The following CFAP300 variants were observed in gnomAD, a reference collection of about 807,000 sequenced individuals.
CFAP300 encodes the protein cilia- and flagella-associated protein 300.
A neutral mutation model predicts 33.0 loss-of-function variants in CFAP300; 32 were observed. That is an observed-to-expected ratio of 0.97 (90% confidence interval 0.73 to 1.30). The LOEUF is 1.30. Ranked by LOEUF, CFAP300 falls within the 50% of genes most tolerant of loss-of-function variation. The pLI is 0.00. For missense variants in CFAP300, 356 were observed against 318.1 expected, an observed-to-expected ratio of 1.12 and a Z score of -0.90; for synonymous variants, 102 against 106.8, an observed-to-expected ratio of 0.95 and a Z score of 0.28.
At chr11:102,066,397 AT>A (rs1942225416) in intron 3 of CFAP300, 87 bp from the exon 4 acceptor site, 21 of 844,890 alleles carry the variant, frequency 2.5e-5, no homozygotes, top group South Asian at 7.1e-5. Context: ...ACTTCTTAGA[AT>A]TTCTGCATAG....
intron 3 of CFAP300, among the ~76,000 whole-genome samples, chr11:102,059,928 G>A (rs1942123118): frequency 6.6e-6 from 1 of 151,472 alleles, no homozygotes; most frequent in Admixed American, 6.6e-5. Context: ...TGGGATTACA[G>A]TCATGGGCCC....
At chr11:102,074,892 A>G (rs1368937770) in intron 4 of CFAP300, among the ~76,000 whole-genome samples, 1 of 151,916 alleles carries the variant, frequency 6.6e-6, no homozygotes, top group East Asian at 1.9e-4. Context: ...GTTTTAGTAG[A>G]GATGAGGTCT....
chr11:102,049,665 A>AT (rs1941939575), intron 2 of CFAP300, among the ~76,000 whole-genome samples: 2 of 151,838 alleles, frequency 1.3e-5, no homozygotes, highest in Non-Finnish European at 2.9e-5. Context: ...GCTGTCTATA[A>AT]TTTTTTTTAA....
At chr11:102,051,842 C>T (rs1941976917) in intron 2 of CFAP300, among the ~76,000 whole-genome samples, 1 of 152,140 alleles carries the variant, frequency 6.6e-6, no homozygotes, top group South Asian at 2.1e-4. Context: ...AGTTATCACA[C>T]CCAGCCCACT....
intron 4 of CFAP300, among the ~76,000 whole-genome samples, chr11:102,068,580 A>T (rs147212006): frequency 2.8e-4 from 42 of 152,304 alleles, no homozygotes; most frequent in African/African-American, 8.2e-4. Context: ...TGAGGTCAGG[A>T]GTTCGAGACC....
intron 2 of CFAP300, among the ~76,000 whole-genome samples, chr11:102,051,024 G>C (rs1941962180): frequency 2.0e-5 from 3 of 152,174 alleles, no homozygotes; most frequent in Admixed American, 6.5e-5. Flanking sequence ...GTATGGCCCA[G>C]ATTTAGGAGA....
chr11:102,063,474 A>G (rs10895245), intron 3 of CFAP300, among the ~76,000 whole-genome samples: 86,111 of 152,068 alleles, frequency 0.57, 25,668 homozygotes, highest in East Asian at 0.75. Flanking sequence ...GTCTACCCAT[A>G]TCCAATTTTT....
chr11:102,053,497 G>A (rs1050087823), intron 2 of CFAP300, among the ~76,000 whole-genome samples: 1 of 152,068 alleles, frequency 6.6e-6, no homozygotes, highest in Non-Finnish European at 1.5e-5. Flanking sequence ...GCTGCGGTGA[G>A]GCAAGATCAT....
chr11:102,067,761 G>T (rs924441659), intron 4 of CFAP300, among the ~76,000 whole-genome samples: 10 of 152,126 alleles, frequency 6.6e-5, no homozygotes, highest in Non-Finnish European at 2.9e-5. Flanking sequence ...GAAGAAATAG[G>T]CCAGGTGCAG....
chr11:102,052,888 T>C (rs1389212976), intron 2 of CFAP300, among the ~76,000 whole-genome samples: 1 of 152,172 alleles, frequency 6.6e-6, no homozygotes, highest in Non-Finnish European at 1.5e-5. Flanking sequence ...CAGAATGAAC[T>C]TTAAAGAAAA....
At position 102,081,379 on chromosome 11, in the gene CFAP300, A is replaced by G. The variant is rs746551881; in HGVS notation, c.675+98A>G. On this transcript the variant is annotated intron_variant, in intron 6 of 6. Coordinates refer to ENST00000434758, the MANE Select transcript of CFAP300 (RefSeq NM_032930.3). ...TAACAATCAGGACAATGTTATGCCT[A>G]GGAGAAAAGACAATGTTATTTAGAG... The G allele has an allele frequency of 2.2e-5, 20 of 913,706 alleles. No homozygotes were observed. The African/African-American group carries it at 3.0e-4, about 14-fold the overall frequency. 56.6% of individuals were successfully genotyped at this position (913,706 alleles called of 1,614,324 possible). A position where few individuals can be genotyped will look rare whatever the true frequency, so the allele number is the denominator to read the frequency against.
At chr11:102,066,828 C>T (rs1942235156) in intron 4 of CFAP300, among the ~76,000 whole-genome samples, 177 bp downstream of exon 4, 1 of 152,076 alleles carries the variant, frequency 6.6e-6, no homozygotes, top group African/African-American at 2.4e-5. Context: ...GCACTTTAAC[C>T]ATCAACTTAA....
At chr11:102,055,442 C>T (rs1306978728) in intron 2 of CFAP300, among the ~76,000 whole-genome samples, 3 of 144,966 alleles carry the variant, frequency 2.1e-5, no homozygotes, top group African/African-American at 7.7e-5. Flanking sequence ...CTGCAACCTC[C>T]ACTCCCCTGG....
At chr11:102,056,623 TTTTG>T (rs749368370) in intron 2 of CFAP300, among the ~76,000 whole-genome samples, 15 of 152,092 alleles carry the variant, frequency 9.9e-5, no homozygotes, top group East Asian at 3.9e-4. Context: ...TTTTTGGGTT[TTTTG>T]TTTGTTTGTT....
In CFAP300 at chr11:102,074,315, G is replaced by T. The variant is rs114759898; in HGVS notation, c.436-1558G>T. Among the ~76,000 whole-genome samples, 426 of 152,272 alleles carry T rather than the reference G, an allele frequency of 2.8e-3. 2 individuals carry two copies. Among genetic ancestry groups the T allele is most frequent in the African/African-American group, 9.6e-3 (400 of 41,552 alleles). ...TATTACTAGTCTCTGGGCCCATGAG[G>T]GTTGAGGAGCTCTCCCATGGTGAGG... On this transcript the variant is annotated intron_variant, in intron 4 of 6. Coordinates refer to ENST00000434758, the MANE Select transcript of CFAP300 (RefSeq NM_032930.3).
chr11:102,077,694 T>C (rs980609670), intron 5 of CFAP300, among the ~76,000 whole-genome samples: 44 of 152,202 alleles, frequency 2.9e-4, no homozygotes, highest in Middle Eastern at 3.4e-3. Context: ...CCTGCTTCAG[T>C]CTCCCAAGTA....
In CFAP300 at chr11:102,066,574, G is replaced by A. The variant is rs1474766492; in HGVS notation, c.358G>A (p.Val120Ile). The A allele has an allele frequency of 1.2e-6, 2 of 1,611,306 alleles. No homozygotes were observed. The highest frequency in any genetic ancestry group is 1.7e-6 in the Non-Finnish European group (2 of 1,178,856). ...FFHRLYDEDI[V>I]RDSGHIVKCL... Reference sequence around the variant, plus strand: ...TCATCGGTTATATGATGAAGATATTGTACGAGACAGTGGACATATTGTTAA... The same window carrying A: ...TCATCGGTTATATGATGAAGATATTATACGAGACAGTGGACATATTGTTAA... The change falls in exon 4 of 7, where the codon GTA becomes ATA. Residue 120 changes from valine to isoleucine, a missense_variant. Val to Ile is a conservative substitution (Grantham distance 29). Coordinates refer to ENST00000434758, the MANE Select transcript of CFAP300 (RefSeq NM_032930.3).
At chr11:102,051,625 G>A (rs2135011724) in intron 2 of CFAP300, among the ~76,000 whole-genome samples, 1 of 152,296 alleles carries the variant, frequency 6.6e-6, no homozygotes, top group South Asian at 2.1e-4. Context: ...TGTCTGTCCA[G>A]TATGCATGCT....
chr11:102,053,291 C>T (rs1431224802), intron 2 of CFAP300, among the ~76,000 whole-genome samples: 3 of 151,814 alleles, frequency 2.0e-5, no homozygotes. Context: ...GGCTCTCACG[C>T]CTATAATCCC....
Sources: gnomAD v4.1 joint callset for allele counts (sites outside exome capture counted in the v4.1 genomes callset) on GRCh38, gnomAD v4.1.1 for gene constraint, MANE v1.5 for transcripts, NCBI Gene and HGNC (gene_info 2026-07-23, HGNC 2026-07-21) for gene names.